Variants in WWOX observed in about 807,000 individuals in gnomAD.
The protein encoded by WWOX is WW domain-containing oxidoreductase.
In WWOX, 69 loss-of-function variants were observed where a neutral mutation model predicts 46.2. The observed-to-expected ratio is 1.49, with a 90% confidence interval of 1.23 to 1.82. WWOX has a LOEUF of 1.82. Ranked by LOEUF, WWOX falls within the 40% of genes most tolerant of loss-of-function variation. WWOX has a pLI of 0.00. For synonymous variants in WWOX, 359 were observed against 202.6 expected, an observed-to-expected ratio of 1.77 and a Z score of -6.56; for missense variants, 919 against 542.6, an observed-to-expected ratio of 1.69 and a Z score of -6.89.
chr16:79,077,881 C>G (rs530826346), intron 8 of WWOX: 2 of 152,146 alleles, frequency 1.3e-5, no homozygotes, highest in African/African-American at 4.8e-5. Flanking sequence ...GTTCTTCTTA[C>G]TCAACTCTCC....
intron 5 of WWOX, among the ~76,000 whole-genome samples, chr16:78,378,590 T>C (rs899153489): frequency 5.9e-5 from 9 of 152,246 alleles, no homozygotes; most frequent in African/African-American, 2.2e-4. Context: ...GTTCAGTGAA[T>C]AATGTCATGT....
intron 8 of WWOX, among the ~76,000 whole-genome samples, chr16:78,861,660 C>G (rs1482797556): frequency 6.6e-6 from 1 of 152,162 alleles, no homozygotes; most frequent in Non-Finnish European, 1.5e-5. Context: ...AGTGAAGGCC[C>G]ATTTTTCCAA....
intron 5 of WWOX, among the ~76,000 whole-genome samples, chr16:78,219,082 G>A (rs1008733858): frequency 6.6e-6 from 1 of 152,074 alleles, no homozygotes; most frequent in Non-Finnish European, 1.5e-5. Flanking sequence ...TTGCGCTTGA[G>A]GAAACATTGA....
chr16:79,050,648 G>A (rs949331870), intron 8 of WWOX, among the ~76,000 whole-genome samples: 2 of 152,282 alleles, frequency 1.3e-5, no homozygotes, highest in Non-Finnish European at 2.9e-5. Flanking sequence ...AGAAGCTGCT[G>A]AGGAATTTTA....
intron 5 of WWOX, among the ~76,000 whole-genome samples, chr16:78,296,588 A>T (rs2079947334): frequency 6.6e-6 from 1 of 151,672 alleles, no homozygotes; most frequent in African/African-American, 2.4e-5. Flanking sequence ...ATTGAGAACA[A>T]CCATGTACAG....
chr16:78,826,057 A>T (rs1489251187), intron 8 of WWOX: 1 of 422,724 alleles, frequency 2.4e-6, no homozygotes, highest in Admixed American at 3.9e-5. Context: ...CTTTGTAAAG[A>T]CATTTAATAA....
chr16:78,388,945 G>A lies in WWOX; in HGVS notation c.605+1997G>A, dbSNP rs530915006. Among the ~76,000 whole-genome samples the A allele has an allele frequency of 5.2e-4, 78 of 150,840 alleles. No homozygotes were observed. In the South Asian group the frequency reaches 0.016, roughly 31 times the overall value. On this transcript the variant is annotated intron_variant, in intron 6 of 8. Coordinates refer to ENST00000566780, the MANE Select transcript of WWOX (RefSeq NM_016373.4). ...GACTGAACCAGTGCACTCCAGCCCG[G>A]GTGACAAGAGCAAAACTCTGTCTCA...
At chr16:78,755,144 A>G (rs2049609995) in intron 8 of WWOX, among the ~76,000 whole-genome samples, 1 of 151,566 alleles carries the variant, frequency 6.6e-6, no homozygotes, top group Admixed American at 6.6e-5. Flanking sequence ...GCAGCAAACC[A>G]CCATGGCACA....
At chr16:78,905,621 A>G (rs2044942451) in intron 8 of WWOX, among the ~76,000 whole-genome samples, 2 of 152,136 alleles carry the variant, frequency 1.3e-5, no homozygotes, top group South Asian at 2.1e-4. Context: ...ATGCACGTGA[A>G]TCTCCAGCTG....
intron 8 of WWOX, among the ~76,000 whole-genome samples, chr16:78,647,089 A>G (rs2142132002): frequency 6.6e-6 from 1 of 152,300 alleles, no homozygotes; most frequent in South Asian, 2.1e-4. Flanking sequence ...ATGATGGCCA[A>G]GCCTTGAGGA....
chr16:78,591,407 G>C (rs2045348804), intron 8 of WWOX, among the ~76,000 whole-genome samples: 2 of 152,146 alleles, frequency 1.3e-5, no homozygotes, highest in South Asian at 4.1e-4. Flanking sequence ...GTACACAACT[G>C]TCTCCAGTGG....
chr16:78,363,523 C>T (rs1331576277), intron 5 of WWOX, among the ~76,000 whole-genome samples: 2 of 152,126 alleles, frequency 1.3e-5, no homozygotes, highest in African/African-American at 4.8e-5. Flanking sequence ...AACTGATCTT[C>T]CCAGCTTGGC....
chr16:78,812,049 C>G (rs1024473867), intron 8 of WWOX, among the ~76,000 whole-genome samples: 1 of 152,132 alleles, frequency 6.6e-6, no homozygotes, highest in Non-Finnish European at 1.5e-5. Flanking sequence ...TTTACCCTCT[C>G]ACACAGTAAG....
intron 8 of WWOX, among the ~76,000 whole-genome samples, chr16:78,763,885 T>A (rs551696135): frequency 8.5e-5 from 13 of 152,296 alleles, no homozygotes; most frequent in African/African-American, 2.9e-4. Flanking sequence ...CTGTATGCAA[T>A]TGTGTACACC....
chr16:79,100,311 T>G (rs1452820310), intron 8 of WWOX, among the ~76,000 whole-genome samples: 1 of 152,214 alleles, frequency 6.6e-6, no homozygotes, highest in East Asian at 1.9e-4. Context: ...TTTTTCTGAA[T>G]TTTTGTTCCT....
intron 8 of WWOX, among the ~76,000 whole-genome samples, chr16:78,741,077 A>G (rs772803654): frequency 1.1e-4 from 17 of 152,118 alleles, no homozygotes; most frequent in Admixed American, 5.9e-4. Flanking sequence ...CGTTTTTATC[A>G]ATAAATTTTT....
intron 8 of WWOX, among the ~76,000 whole-genome samples, chr16:79,053,321 G>T (rs191971036): frequency 6.6e-6 from 1 of 152,122 alleles, no homozygotes; most frequent in Non-Finnish European, 1.5e-5. Context: ...GAATGAAGCC[G>T]TTTTAATGTG....
At position 79,212,161 on chromosome 16, in the gene WWOX, C is replaced by T. The variant is rs934714522; in HGVS notation, c.*365C>T. On this transcript the variant is annotated 3_prime_UTR_variant, in exon 9 of 9. Coordinates refer to ENST00000566780, the MANE Select transcript of WWOX (RefSeq NM_016373.4). ...GTCCCCTCGTCCCATCCAGCTACCA[C>T]CACGGCCACCACTGCAGCCGGGGGC... The T allele has an allele frequency of 1.7e-5, 25 of 1,494,578 alleles. No homozygotes were observed. The African/African-American group carries it at 3.2e-4, about 19-fold the overall frequency. 92.6% of individuals were successfully genotyped at this position (1,494,578 alleles called of 1,614,324 possible).
chr16:78,370,106 T>G (rs1010370663), intron 5 of WWOX, among the ~76,000 whole-genome samples: 1 of 112,434 alleles, frequency 8.9e-6, no homozygotes, highest in African/African-American at 3.6e-5. Context: ...CTCTCTATCC[T>G]GGGAGACAGA....
Sources: gnomAD v4.1 joint callset for allele counts (sites outside exome capture counted in the v4.1 genomes callset) on GRCh38, gnomAD v4.1.1 for gene constraint, MANE v1.5 for transcripts, NCBI Gene and HGNC (gene_info 2026-07-23, HGNC 2026-07-21) for gene names.